HBS1L: variants seen among roughly 807,000 people sequenced by gnomAD.
HBS1L encodes HBS1-like protein.
Under a neutral mutation model 88.9 loss-of-function variants are expected in HBS1L, and 55 were observed. The observed-to-expected ratio is 0.62, with a 90% CI of 0.50 to 0.77. The LOEUF is 0.77. Ranked by LOEUF, HBS1L falls within the 30% of genes least tolerant of loss-of-function variation. The pLI is 0.00. For synonymous variants in HBS1L, 267 were observed against 288.5 expected (o/e 0.93, Z 0.76); for missense variants, 741 against 829.3 (o/e 0.89, Z 1.31).
intron 8 of HBS1L, among the ~76,000 whole-genome samples, chr6:134,990,985 C>A (rs1285245315): frequency 6.6e-6 from 1 of 151,974 alleles, no homozygotes; most frequent in Non-Finnish European, 1.5e-5. Context: ...CATTCCCACA[C>A]TGCTACCCCA....
At chr6:135,030,916 T>C (rs1776365664) in intron 4 of HBS1L, among the ~76,000 whole-genome samples, 2 of 152,188 alleles carry the variant, frequency 1.3e-5, no homozygotes, top group East Asian at 3.9e-4. Context: ...GCGAAAAATT[T>C]GAGTCATCCA....
chr6:134,982,200 G>C, intron 13 of HBS1L: 1 of 362,492 alleles, frequency 2.8e-6, no homozygotes, highest in Non-Finnish European at 5.0e-6. Context: ...TCCTAACCAG[G>C]CTTCTCAGAT....
chr6:135,034,405 A>C (rs138726773), intron 4 of HBS1L, among the ~76,000 whole-genome samples: 2,097 of 152,292 alleles, frequency 0.014, 66 homozygotes, highest in African/African-American at 0.048. Flanking sequence ...GCACTTCGGG[A>C]GGCCGAGGTG....
At chr6:135,035,616 T>C (rs1369880102) in intron 4 of HBS1L, among the ~76,000 whole-genome samples, 1 of 150,848 alleles carries the variant, frequency 6.6e-6, no homozygotes, top group African/African-American at 2.4e-5. Context: ...CCGGGTGTGG[T>C]GGTGGGCACC....
At chr6:135,036,822 T>C (rs868673057) in intron 4 of HBS1L, 1 of 1,551,842 alleles carries the variant, frequency 6.4e-7, no homozygotes, top group African/African-American at 1.4e-5. Context: ...AAAAAGGTGG[T>C]TTCCTAGTCA....
At chr6:135,006,149 T>A (rs948435705) in intron 4 of HBS1L, among the ~76,000 whole-genome samples, 1 of 152,174 alleles carries the variant, frequency 6.6e-6, no homozygotes, top group Non-Finnish European at 1.5e-5. Context: ...CCAACAGGTA[T>A]AAGAAGAAAG....
At chr6:135,009,265 C>G (rs966761568) in intron 4 of HBS1L, among the ~76,000 whole-genome samples, 7 of 152,004 alleles carry the variant, frequency 4.6e-5, no homozygotes, top group African/African-American at 1.7e-4. Flanking sequence ...TTACATGGTG[C>G]TATTATCAAA....
At chr6:135,046,625 G>A (rs1257558065) in intron 2 of HBS1L, among the ~76,000 whole-genome samples, 2 of 152,156 alleles carry the variant, frequency 1.3e-5, no homozygotes, top group East Asian at 1.9e-4. Context: ...TTGGAAGGCC[G>A]ACACAGGAGG....
At chr6:135,039,861 T>A in intron 3 of HBS1L, 94 bp from the exon 4 acceptor site, 2 of 1,062,530 alleles carry the variant, frequency 1.9e-6, no homozygotes, top group African/African-American at 1.6e-5. Flanking sequence ...ACAGCTGTAC[T>A]AGAATATTCA....
chr6:134,973,173 C>G (rs1219210221), intron 15 of HBS1L, among the ~76,000 whole-genome samples: 1 of 152,054 alleles, frequency 6.6e-6, no homozygotes, highest in African/African-American at 2.4e-5. Context: ...TTTGTAATAG[C>G]CAAAAGATGG....
At chr6:134,980,770 T>TA (rs1305769213) in intron 13 of HBS1L, among the ~76,000 whole-genome samples, 5 of 150,866 alleles carry the variant, frequency 3.3e-5, no homozygotes, top group Admixed American at 6.6e-5. Context: ...AAAAAAAAAG[T>TA]AATTTAGAAT....
intron 4 of HBS1L, among the ~76,000 whole-genome samples, chr6:135,005,034 T>C (rs1052488075): frequency 2.0e-5 from 3 of 152,174 alleles, no homozygotes; most frequent in African/African-American, 7.2e-5. Context: ...GACAGTGTTA[T>C]GGAGTTGGCA....
At chr6:135,046,014 C>A (rs1393698097) in intron 2 of HBS1L, among the ~76,000 whole-genome samples, 1 of 152,204 alleles carries the variant, frequency 6.6e-6, no homozygotes, top group East Asian at 1.9e-4. Context: ...TAAGTTGACA[C>A]TAAAAACACA....
chr6:134,990,045 T>C (rs1489251205), intron 8 of HBS1L, among the ~76,000 whole-genome samples: 1 of 152,168 alleles, frequency 6.6e-6, no homozygotes, highest in Non-Finnish European at 1.5e-5. Flanking sequence ...TAATTGAAAA[T>C]CTTTTTCTCA....
At chr6:135,052,978 GGAAGAA>G in intron 1 of HBS1L, among the ~76,000 whole-genome samples, 1 of 152,102 alleles carries the variant, frequency 6.6e-6, no homozygotes, top group Non-Finnish European at 1.5e-5. Flanking sequence ...AGCCTAACTG[GGAAGAA>G]GAGAAATAAA....
intron 13 of HBS1L, 121 bp downstream of exon 13, chr6:134,982,337 G>A: frequency 1.6e-6 from 1 of 624,424 alleles, no homozygotes; most frequent in Non-Finnish European, 2.9e-6. Flanking sequence ...GTATCATTTT[G>A]ACAGTCAGTT....
chr6:135,013,493 T>C (rs1445015596), intron 4 of HBS1L, among the ~76,000 whole-genome samples: 1 of 152,234 alleles, frequency 6.6e-6, no homozygotes, highest in South Asian at 2.1e-4. Flanking sequence ...TTTAGAACCA[T>C]GTCTAATATT....
intron 4 of HBS1L, among the ~76,000 whole-genome samples, chr6:135,013,389 C>T (rs868471876): frequency 2.0e-5 from 3 of 152,222 alleles, no homozygotes; most frequent in Non-Finnish European, 4.4e-5. Flanking sequence ...GAAGGGAAGG[C>T]GAGAAATGCC....
intron 4 of HBS1L, among the ~76,000 whole-genome samples, chr6:135,007,831 A>C (rs1168423287): frequency 6.6e-6 from 1 of 152,214 alleles, no homozygotes; most frequent in African/African-American, 2.4e-5. Flanking sequence ...TTGAACACTA[A>C]ATTTTCAGTA....
Sources: allele counts gnomAD v4.1 joint callset (sites outside exome capture counted in the v4.1 genomes callset), GRCh38; gene constraint gnomAD v4.1.1; transcripts MANE v1.5; gene names NCBI Gene and HGNC (gene_info 2026-07-23, HGNC 2026-07-21).